Variants in HS6ST2 observed in about 807,000 individuals in gnomAD.
HS6ST2 encodes the protein heparan-sulfate 6-O-sulfotransferase 2.
Under a neutral mutation model 33.0 loss-of-function variants are expected in HS6ST2, and 17 were observed. That is an observed-to-expected ratio of 0.52 (90% CI 0.35 to 0.77). HS6ST2 has a LOEUF of 0.77. HS6ST2 is among the 30% of genes least tolerant of loss of function. The pLI is 0.01. For missense variants in HS6ST2, 519 were observed against 551.7 expected, an observed-to-expected ratio of 0.94 and a Z score of 0.59; for synonymous variants, 248 against 237.1, an observed-to-expected ratio of 1.05 and a Z score of -0.42.
intron 2 of HS6ST2, among the ~76,000 whole-genome samples, chrX:132,767,370 C>A (rs1031431496): frequency 3.6e-5 from 4 of 111,827 alleles, no homozygotes; most frequent in Non-Finnish European, 7.5e-5. Context: ...AGGCGCACAT[C>A]ACCATGCCCA....
chrX:132,772,873 TATAAC>T (rs1264151100), intron 2 of HS6ST2, among the ~76,000 whole-genome samples: 7 of 89,490 alleles, frequency 7.8e-5, no homozygotes, highest in Admixed American at 1.5e-4. Flanking sequence ...TAATATAAAA[TATAAC>T]ATATATTATA....
At chrX:132,772,258 GAC>G (rs1404140193) in intron 2 of HS6ST2, among the ~76,000 whole-genome samples, 1 of 111,145 alleles carries the variant, frequency 9.0e-6, no homozygotes, top group Non-Finnish European at 1.9e-5. Flanking sequence ...GCTGTGAAAT[GAC>G]ACATTTCTAG....
upstream of HS6ST2, chrX:132,958,672 G>A: frequency 2.0e-6 from 2 of 980,543 alleles, no homozygotes; most frequent in African/African-American, 3.9e-5. Flanking sequence ...AATGCCTCAC[G>A]CCTAAGAGCT....
intron 2 of HS6ST2, among the ~76,000 whole-genome samples, chrX:132,766,649 A>G (rs779351690): frequency 8.9e-6 from 1 of 112,015 alleles, no homozygotes; most frequent in East Asian, 2.8e-4. Flanking sequence ...AGTTCCACAG[A>G]CTGCACAGGA....
intron 3 of HS6ST2, among the ~76,000 whole-genome samples, chrX:132,707,716 T>C (rs1317130133): frequency 1.7e-4 from 19 of 111,880 alleles, no homozygotes; most frequent in Non-Finnish European, 3.4e-4. Flanking sequence ...TAGAAAACAA[T>C]GTGCCAAGCG....
chrX:132,714,147 C>T (rs758296133), intron 2 of HS6ST2, among the ~76,000 whole-genome samples: 3 of 111,300 alleles, frequency 2.7e-5, no homozygotes, highest in South Asian at 3.9e-4. Flanking sequence ...CACAAGGTAA[C>T]AGAAAGAGGC....
intron 2 of HS6ST2, among the ~76,000 whole-genome samples, chrX:132,812,868 A>G (rs899676806): frequency 6.3e-5 from 7 of 110,274 alleles, no homozygotes; most frequent in African/African-American, 2.3e-4. Context: ...GTGGTTTCCT[A>G]TTTCCTTTTG....
At chrX:132,792,081 C>T (rs907298631) in intron 2 of HS6ST2, among the ~76,000 whole-genome samples, 1 of 112,149 alleles carries the variant, frequency 8.9e-6, no homozygotes. Flanking sequence ...GTAGAAGAAA[C>T]GTACCTAAGC....
chrX:132,674,082 G>A (rs1275614640), intron 3 of HS6ST2, among the ~76,000 whole-genome samples: 1 of 111,288 alleles, frequency 9.0e-6, no homozygotes, highest in East Asian at 2.8e-4. Flanking sequence ...AGTATCTTAC[G>A]CTCATTATCT....
chrX:132,857,353 G>A (rs766497855), intron 2 of HS6ST2, among the ~76,000 whole-genome samples: 17 of 109,952 alleles, frequency 1.5e-4, no homozygotes, highest in African/African-American at 4.9e-4. Context: ...GTGTGGTGGC[G>A]GGCGCCTGTA....
intron 2 of HS6ST2, among the ~76,000 whole-genome samples, chrX:132,900,489 G>C (rs1000201686): frequency 9.0e-6 from 1 of 111,068 alleles, no homozygotes; most frequent in Non-Finnish European, 1.9e-5. Context: ...GCTGAAGTGG[G>C]AGGACTGCTT....
chrX:132,708,694 A>T (rs2064206432), intron 2 of HS6ST2, 200 bp from the exon 3 acceptor site: 2 of 377,875 alleles, frequency 5.3e-6, no homozygotes, highest in East Asian at 4.6e-5. Context: ...TCAGAAGGCT[A>T]AAAGGGGCAA....
At chrX:132,832,783 ACTTGTT>A (rs886414195) in intron 2 of HS6ST2, among the ~76,000 whole-genome samples, 16 of 112,093 alleles carry the variant, frequency 1.4e-4, no homozygotes, top group Non-Finnish European at 3.0e-4. Context: ...TATGTATAAG[ACTTGTT>A]CTTGTTGTCA....
At chrX:132,639,313 C>T (rs1603289588) in intron 4 of HS6ST2, among the ~76,000 whole-genome samples, 2 of 112,072 alleles carry the variant, frequency 1.8e-5, no homozygotes, top group Middle Eastern at 9.2e-3. Flanking sequence ...CCCATAGTTG[C>T]AGGCCTTTAC....
intron 4 of HS6ST2, among the ~76,000 whole-genome samples, chrX:132,651,885 A>T (rs2063695552): frequency 8.9e-6 from 1 of 111,786 alleles, no homozygotes; most frequent in Non-Finnish European, 1.9e-5. Flanking sequence ...TATGACTGGC[A>T]CACCAAGGGG....
chrX:132,906,269 T>G (rs1200919811), intron 2 of HS6ST2, among the ~76,000 whole-genome samples: 6 of 112,320 alleles, frequency 5.3e-5, no homozygotes, highest in Non-Finnish European at 9.4e-5. Context: ...CACTTAATGT[T>G]TTTTGGTAAC....
At chrX:132,779,935 C>T (rs2065003992) in intron 2 of HS6ST2, among the ~76,000 whole-genome samples, 1 of 111,163 alleles carries the variant, frequency 9.0e-6, no homozygotes, top group African/African-American at 3.3e-5. Flanking sequence ...GCCTGAGTCC[C>T]TAGCTCCAGC....
intron 2 of HS6ST2, among the ~76,000 whole-genome samples, chrX:132,822,133 A>G (rs2065466506): frequency 1.8e-5 from 2 of 112,135 alleles, no homozygotes; most frequent in South Asian, 7.5e-4. Flanking sequence ...ACTGAGCCAC[A>G]GAGTGTATAA....
chrX:132,866,788 G>A lies in HS6ST2; in HGVS notation c.947+90020C>T, dbSNP rs1245108690. The stretch of plus-strand genomic sequence containing the variant: ...TGATTTGGCTCTCTGTTTGTCTGTT[G>A]TTGGTGTATAAGAATGCTTGTGATT... On this transcript the variant is annotated intron_variant, in intron 2 of 4. Transcript: ENST00000370833. 1.5e-4 allele frequency among the ~76,000 whole-genome samples: 13 copies of A among 88,255 alleles called. 1 individual carries two copies. Among genetic ancestry groups the A allele is most frequent in the African/African-American group, 4.3e-4 (10 of 23,383 alleles). 76.6% of individuals were successfully genotyped at this position (88,255 alleles called of 115,157 possible).
Sources: gnomAD v4.1 joint callset for allele counts (sites outside exome capture counted in the v4.1 genomes callset) on GRCh38, gnomAD v4.1.1 for gene constraint, MANE v1.5 for transcripts, NCBI Gene and HGNC (gene_info 2026-07-23, HGNC 2026-07-21) for gene names.